The following CCDC187 variants were observed in gnomAD, a reference collection of about 807,000 sequenced individuals.
CCDC187 encodes the protein coiled-coil domain containing 187.
CCDC187 carries 32 observed loss-of-function variants against 38.0 expected under a neutral mutation model. The observed-to-expected ratio is 0.84, with a 90% CI of 0.64 to 1.13. CCDC187 has a LOEUF of 1.13. CCDC187 is among the 50% of genes most tolerant of loss of function. CCDC187 has a pLI of 0.00. For missense variants in CCDC187, 707 were observed against 786.8 expected (o/e 0.90, Z 1.21); for synonymous variants, 333 against 347.9 (o/e 0.96, Z 0.48).
intron 4 of CCDC187, among the ~76,000 whole-genome samples, chr9:136,294,112 ACACAC>A (rs1831471543): frequency 6.0e-5 from 5 of 83,854 alleles, no homozygotes; most frequent in Admixed American, 2.8e-4. Context: ...GCTCACACTC[ACACAC>A]TCTCACACTC....
chr9:136,293,498 C>CA (rs1831431230), intron 4 of CCDC187, among the ~76,000 whole-genome samples: 1 of 138,498 alleles, frequency 7.2e-6, no homozygotes, highest in Admixed American at 7.4e-5. Context: ...CACATGCTCA[C>CA]ACACTCACAA....
chr9:136,267,569 C>T, intron 15 of CCDC187, 58 bp from the exon 16 acceptor site: 2 of 985,550 alleles, frequency 2.0e-6, no homozygotes, highest in Non-Finnish European at 2.4e-6. Flanking sequence ...TTCCGGGCCT[C>T]GCGGGGCTCC....
chr9:136,266,363 T>TG (rs1194671128), intron 16 of CCDC187: 1 of 151,684 alleles, frequency 6.6e-6, no homozygotes, highest in Non-Finnish European at 1.5e-5. Context: ...GGGAGGGAGG[T>TG]GGGGGTCACC....
rs1554760498 is a variant in CCDC187 at position 136,257,845 on chromosome 9, C to T, written c.4367-1004G>A. 6.6e-6 allele frequency among the ~76,000 whole-genome samples: 1 copy of T among 152,240 alleles called. No homozygotes were observed. The highest frequency in any genetic ancestry group is 2.4e-5 in the African/African-American group (1 of 41,468). On this transcript the variant is annotated intron_variant, in intron 22 of 25. Transcript: ENST00000638797. The surrounding 1 kb of genome is among the most constrained non-coding windows in gnomAD (Gnocchi z 4.5). ...GTCACCCAGGGAGCCCCTGCAAGCG[C>T]AGTCTTTTGATCAGAGAGCGGCCGG...
At chr9:136,299,789 T>C (rs1165970802) in intron 3 of CCDC187, among the ~76,000 whole-genome samples, 1 of 152,116 alleles carries the variant, frequency 6.6e-6, no homozygotes, top group Non-Finnish European at 1.5e-5. Flanking sequence ...TTTCCCCATC[T>C]GTGGGCTGGG....
Position 136,253,980 on chromosome 9 carries a change from T to C in CCDC187, c.5848A>G (p.Arg1950Gly). Reference protein sequence around the residue: ...TLQAPPGDPGRLAPPVAESRA... With the variant: ...TLQAPPGDPGGLAPPVAESRA... ...CTCTCAGCTACTGGAGGTGCCAGCCTGCCTGGGTCCCCAGGAGGAGCCTGC... is the reference window on the plus strand; with the variant it reads ...CTCTCAGCTACTGGAGGTGCCAGCCCGCCTGGGTCCCCAGGAGGAGCCTGC... The change falls in exon 26 of 26, where the codon AGG becomes GGG. Residue 1950 changes from arginine to glycine, a missense_variant. Transcript: ENST00000638797. 1 of 905,538 alleles carries C rather than the reference T, an allele frequency of 1.1e-6. No individual in the cohort carries two copies. Among genetic ancestry groups the C allele is most frequent in the Non-Finnish European group, 1.3e-6 (1 of 757,482 alleles). 56.1% of individuals were successfully genotyped at this position (905,538 alleles called of 1,614,324 possible).
At chr9:136,290,340 C>T (rs1201244563) in intron 6 of CCDC187, 146 bp downstream of exon 6, 16 of 397,578 alleles carry the variant, frequency 4.0e-5, no homozygotes, top group Non-Finnish European at 5.3e-5. Flanking sequence ...GCAGTGGCAG[C>T]GACGCCACGA....
At chr9:136,301,618 G>T (rs1299901330) in intron 2 of CCDC187, among the ~76,000 whole-genome samples, 1 of 129,800 alleles carries the variant, frequency 7.7e-6, no homozygotes, top group African/African-American at 2.9e-5. Context: ...ACGAAGTCTC[G>T]CTCTGTCGCC....
intron 10 of CCDC187, among the ~76,000 whole-genome samples, chr9:136,279,367 C>G (rs1356545453): frequency 6.6e-6 from 1 of 152,170 alleles, no homozygotes; most frequent in African/African-American, 2.4e-5. Context: ...ACAGTGCTGC[C>G]TCCAGTCATA....
chr9:136,302,604 G>A (rs893952555), intron 2 of CCDC187, among the ~76,000 whole-genome samples: 1 of 152,150 alleles, frequency 6.6e-6, no homozygotes, highest in Non-Finnish European at 1.5e-5. Context: ...CATCTCCACC[G>A]CTCCTCTGTC....
Position 136,254,459 on chromosome 9 carries a change from G to A in CCDC187, c.5369C>T (p.Ser1790Leu). 1.0e-6 allele frequency: 1 copy of A among 985,422 alleles called. No homozygotes were observed. Among genetic ancestry groups the A allele is most frequent in the Non-Finnish European group, 1.2e-6 (1 of 829,932 alleles). 61.0% of individuals were successfully genotyped at this position (985,422 alleles called of 1,614,324 possible). A position where few individuals can be genotyped will look rare whatever the true frequency, so the allele number is the denominator to read the frequency against. The change falls in exon 26 of 26, where the codon TCA (serine) becomes TTA (leucine). Residue 1790 changes from serine (S) to leucine (L), a missense_variant. By Grantham distance (145) the Ser-to-Leu change is moderately radical. Coordinates refer to ENST00000638797, the MANE Select transcript of CCDC187 (RefSeq NM_001378188.1). ...ASGSSLPAGG[S>L]LGLGSGVEPQ... ...CTCCACGCCGCTTCCAAGGCCCAGT[G>A]AGCCACCTGCAGGCAGGGAGCTCCC... is the stretch of plus-strand genomic sequence containing the variant.
chr9:136,299,188 TC>T (rs878936824), intron 3 of CCDC187, among the ~76,000 whole-genome samples: 1 of 151,988 alleles, frequency 6.6e-6, no homozygotes, highest in African/African-American at 2.4e-5. Context: ...GGACAGGAGT[TC>T]CCCGGCAACT....
chr9:136,278,571 GGACAGTTT>G (rs1830977499), intron 10 of CCDC187, among the ~76,000 whole-genome samples: 1 of 152,168 alleles, frequency 6.6e-6, no homozygotes, highest in African/African-American at 2.4e-5. Flanking sequence ...GGATGCAATG[GGACAGTTT>G]GACAGATCTT....
Position 136,290,559 on chromosome 9 carries a change from C to T in CCDC187, c.2054G>A (p.Gly685Asp), listed in dbSNP as rs1831297657. 1.3e-5 allele frequency: 5 copies of T among 399,064 alleles called. No individual in the cohort carries two copies. Among genetic ancestry groups the T allele is most frequent in the African/African-American group, 2.1e-5 (1 of 48,762 alleles). The allele number at this position is 399,064 out of a possible 1,614,324, so 24.7% of individuals were successfully genotyped here. The change falls in exon 6 of 26, where the codon GGC becomes GAC. Residue 685 changes from glycine to aspartate, a missense_variant. Coordinates refer to ENST00000638797, the MANE Select transcript of CCDC187 (RefSeq NM_001378188.1). The part of the protein sequence containing the change: ...VYRQQREAVL[G>D]RAVPVVSRTT... ...CCGGGAGACCACGGGGACCGCCCTG[C>T]CGAGGACGGCCTCCCTCTGCTGCCG...
intron 4 of CCDC187, chr9:136,296,491 G>A (rs1028258830): frequency 7.9e-5 from 12 of 152,394 alleles, no homozygotes; most frequent in African/African-American, 2.4e-4. Flanking sequence ...GTGCAGCCCC[G>A]GGCAGGCTGT....
intron 7 of CCDC187, among the ~76,000 whole-genome samples, chr9:136,289,150 C>T (rs1331826047): frequency 6.6e-6 from 1 of 152,180 alleles, no homozygotes; most frequent in Non-Finnish European, 1.5e-5. Flanking sequence ...CTTGAATGAG[C>T]CTGGAAAACG....
At chr9:136,271,257 C>G (rs1197053808) in intron 14 of CCDC187, among the ~76,000 whole-genome samples, 1 of 152,190 alleles carries the variant, frequency 6.6e-6, no homozygotes, top group African/African-American at 2.4e-5. Flanking sequence ...CGTGGTGGCT[C>G]CTGCCTATAA....
At chr9:136,299,150 C>G (rs1831608933) in intron 3 of CCDC187, among the ~76,000 whole-genome samples, 2 of 152,180 alleles carry the variant, frequency 1.3e-5, no homozygotes, top group Non-Finnish European at 2.9e-5. Context: ...GCGCTGACCA[C>G]AGGGCTCAGG....
intron 14 of CCDC187, among the ~76,000 whole-genome samples, chr9:136,271,669 G>A (rs1275427236): frequency 1.4e-5 from 2 of 144,334 alleles, no homozygotes; most frequent in Non-Finnish European, 3.0e-5. Context: ...GTGCGGTGGC[G>A]CGATCTCGGC....
Sources: allele counts gnomAD v4.1 joint callset (sites outside exome capture counted in the v4.1 genomes callset), GRCh38; gene constraint gnomAD v4.1.1; non-coding constraint Gnocchi (gnomAD v3.1); transcripts MANE v1.5; gene names NCBI Gene and HGNC (gene_info 2026-07-23, HGNC 2026-07-21).